CCBE1: variants seen among roughly 807,000 people sequenced by gnomAD.
CCBE1 encodes the protein collagen and calcium-binding EGF domain-containing protein 1.
A neutral mutation model predicts 50.0 loss-of-function variants in CCBE1; 37 were observed. That is an observed-to-expected ratio of 0.74 (90% confidence interval 0.57 to 0.97). CCBE1 has a LOEUF of 0.97. Among genes scored for constraint, CCBE1 ranks in the 50% least tolerant of loss-of-function variants. The probability of loss-of-function intolerance (pLI) is 0.00; values close to 1 mark genes in which losing one functional copy is unlikely to be tolerated. For missense variants in CCBE1, 538 were observed against 523.8 expected (o/e 1.03, Z -0.26); for synonymous variants, 234 against 203.7 (o/e 1.15, Z -1.27).
intron 2 of CCBE1, among the ~76,000 whole-genome samples, chr18:59,668,819 C>CTTTTTTTTTTTTT (rs34632549): frequency 4.1e-4 from 41 of 99,176 alleles, no homozygotes; most frequent in Non-Finnish European, 7.0e-4. Flanking sequence ...TTCCATAAGT[C>CTTTTTTTTTTTTT]TTTTTTTTTT....
chr18:59,586,921 G>T (rs528521513), intron 2 of CCBE1, among the ~76,000 whole-genome samples: 32 of 152,312 alleles, frequency 2.1e-4, no homozygotes, highest in African/African-American at 7.5e-4. Flanking sequence ...TTTGAGAAGG[G>T]ATAGCAAACT....
At chr18:59,619,584 T>C (rs1455038514) in intron 2 of CCBE1, among the ~76,000 whole-genome samples, 2 of 152,246 alleles carry the variant, frequency 1.3e-5, no homozygotes, top group Non-Finnish European at 2.9e-5. Context: ...TAAAGTTCTT[T>C]CTATGATTTA....
intron 2 of CCBE1, among the ~76,000 whole-genome samples, chr18:59,647,787 A>C (rs1460831556): frequency 6.6e-6 from 1 of 152,240 alleles, no homozygotes; most frequent in Non-Finnish European, 1.5e-5. Flanking sequence ...TGGAATAAAA[A>C]TTCAGTTCTG....
chr18:59,592,368 A>G (rs1444177370), intron 2 of CCBE1, among the ~76,000 whole-genome samples: 1 of 152,250 alleles, frequency 6.6e-6, no homozygotes, highest in Admixed American at 6.5e-5. Context: ...CAAAGTCTGG[A>G]AAAAATCTGA....
At chr18:59,446,063 T>C (rs950718544) in intron 7 of CCBE1, among the ~76,000 whole-genome samples, 13 of 152,168 alleles carry the variant, frequency 8.5e-5, no homozygotes, top group Non-Finnish European at 1.6e-4. Flanking sequence ...CAGTGGTGGG[T>C]ACCACAAACA....
At chr18:59,464,940 A>T (rs1275039247) in intron 5 of CCBE1, 1 of 152,572 alleles carries the variant, frequency 6.6e-6, no homozygotes. Flanking sequence ...CTCCCGACAG[A>T]GCTCCAGCCA....
At chr18:59,662,189 G>C (rs1329106682) in intron 2 of CCBE1, among the ~76,000 whole-genome samples, 8 of 152,176 alleles carry the variant, frequency 5.3e-5, no homozygotes, top group Non-Finnish European at 8.8e-5. Context: ...TGCACAGACT[G>C]CAGAAGGGTA....
At chr18:59,586,847 G>A (rs1350754351) in intron 2 of CCBE1, among the ~76,000 whole-genome samples, 1 of 152,176 alleles carries the variant, frequency 6.6e-6, no homozygotes, top group Non-Finnish European at 1.5e-5. Context: ...CACAACAGAT[G>A]AGAATTCATG....
At chr18:59,657,824 G>A (rs570884476) in intron 2 of CCBE1, among the ~76,000 whole-genome samples, 2 of 152,296 alleles carry the variant, frequency 1.3e-5, no homozygotes, top group African/African-American at 4.8e-5. Flanking sequence ...CCGGGAGGTG[G>A]AGGTTGCAGT....
At chr18:59,577,177 G>A (rs1443665483) in intron 2 of CCBE1, among the ~76,000 whole-genome samples, 1 of 152,176 alleles carries the variant, frequency 6.6e-6, no homozygotes, top group South Asian at 2.1e-4. Context: ...AAGGGATGGC[G>A]AAGGTTGAGA....
intron 2 of CCBE1, among the ~76,000 whole-genome samples, chr18:59,634,522 TA>T (rs1240574837): frequency 1.3e-5 from 2 of 152,190 alleles, no homozygotes; most frequent in African/African-American, 4.8e-5. Context: ...TTATGACAGT[TA>T]AATATGGGTT....
chr18:59,645,470 A>G (rs182767328), intron 2 of CCBE1, among the ~76,000 whole-genome samples: 2 of 152,228 alleles, frequency 1.3e-5, no homozygotes, highest in African/African-American at 4.8e-5. Context: ...TCAGTCCTGT[A>G]GAAGCCCACA....
intron 2 of CCBE1, among the ~76,000 whole-genome samples, chr18:59,620,436 C>T (rs1460101476): frequency 6.6e-6 from 1 of 152,128 alleles, no homozygotes; most frequent in Non-Finnish European, 1.5e-5. Flanking sequence ...CCCTCATTAT[C>T]TTAGAATGAG....
At chr18:59,618,998 A>C (rs892887239) in intron 2 of CCBE1, among the ~76,000 whole-genome samples, 10 of 152,358 alleles carry the variant, frequency 6.6e-5, no homozygotes, top group Admixed American at 6.5e-4. Flanking sequence ...TCATCTAATA[A>C]AACTTTCATG....
At chr18:59,616,972 G>A (rs1269792430) in intron 2 of CCBE1, among the ~76,000 whole-genome samples, 1 of 152,040 alleles carries the variant, frequency 6.6e-6, no homozygotes, top group Non-Finnish European at 1.5e-5. Context: ...GGGTTGCCAT[G>A]AGCCACCGAC....
At chr18:59,442,740 A>C (rs1345291102) in intron 7 of CCBE1, among the ~76,000 whole-genome samples, 1 of 151,984 alleles carries the variant, frequency 6.6e-6, no homozygotes, top group African/African-American at 2.4e-5. Flanking sequence ...AAATAAATAA[A>C]TAAATAAAAA....
At chr18:59,684,835 T>G (rs1239893975) in intron 2 of CCBE1, among the ~76,000 whole-genome samples, 1 of 152,176 alleles carries the variant, frequency 6.6e-6, no homozygotes. Context: ...AGCATTATGT[T>G]GTGATGCATA....
rs113035040 is a variant in CCBE1, at chr18:59,507,632, A to T, written c.213-27394T>A. On this transcript the variant is annotated intron_variant, in intron 2 of 10. Coordinates refer to ENST00000439986, the MANE Select transcript of CCBE1 (RefSeq NM_133459.4). ...TGTTTCCTTTGCTGTCCCCATCCTC[A>T]TGCTGTGCTTATGCCTGTCCCTTTG... Among the ~76,000 whole-genome samples, 463 of 152,286 alleles carry T rather than the reference A, an allele frequency of 3.0e-3. 3 individuals carry two copies. Among genetic ancestry groups the T allele is most frequent in the Middle Eastern group, 6.8e-3 (2 of 294 alleles).
At chr18:59,499,136 A>C (rs1368682120) in intron 2 of CCBE1, among the ~76,000 whole-genome samples, 1 of 152,258 alleles carries the variant, frequency 6.6e-6, no homozygotes, top group Non-Finnish European at 1.5e-5. Context: ...TCTAGGGAAC[A>C]GTCAAGCAAG....
Sources: gnomAD v4.1 joint callset for allele counts (sites outside exome capture counted in the v4.1 genomes callset) on GRCh38, gnomAD v4.1.1 for gene constraint, MANE v1.5 for transcripts, NCBI Gene and HGNC (gene_info 2026-07-23, HGNC 2026-07-21) for gene names.